The following PTPRD variants were observed in gnomAD, a reference collection of about 807,000 sequenced individuals.
PTPRD encodes the protein protein tyrosine phosphatase receptor type D.
Under a neutral mutation model 214.5 loss-of-function variants are expected in PTPRD, and 34 were observed. The ratio of observed to expected loss-of-function variants is 0.16; its 90% confidence interval spans 0.12 to 0.21. The LOEUF is 0.21. PTPRD is among the 10% of genes least tolerant of loss of function. The pLI, the probability that PTPRD is intolerant of heterozygous loss-of-function variation, is 1.00. For missense variants in PTPRD, 2,545 were observed against 2,398.7 expected (o/e 1.06, Z -1.27); for synonymous variants, 1,128 against 845.7 (o/e 1.33, Z -5.79).
chr9:9,726,226 A>C (rs558066651), intron 7 of PTPRD, among the ~76,000 whole-genome samples: 15 of 152,276 alleles, frequency 9.9e-5, no homozygotes, highest in African/African-American at 2.6e-4. Flanking sequence ...ACACCAAAAA[A>C]ACTTCACTAT....
In PTPRD at chr9:8,748,547, GA is replaced by G. The variant is rs1471230974; in HGVS notation, c.-103-14602del. 3.5e-5 allele frequency among the ~76,000 whole-genome samples: 3 copies of G among 85,590 alleles called. No homozygotes were observed. The South Asian group carries it at 1.2e-3, about 35-fold the overall frequency. The allele number at this position is 85,590 out of a possible 152,430, so 56.2% of individuals were successfully genotyped here. On this transcript the variant is annotated intron_variant, in intron 11 of 45. Transcript: ENST00000381196. ...CAAAAAAAAAAAAAAAAAAGAAAAA[GA>G]AAAAGAAAAAGAAAATGCGCTTACT... is the stretch of plus-strand genomic sequence containing the variant.
At chr9:9,290,822 C>T (rs1319679678) in intron 9 of PTPRD, among the ~76,000 whole-genome samples, 1 of 151,386 alleles carries the variant, frequency 6.6e-6, no homozygotes, top group Non-Finnish European at 1.5e-5. Flanking sequence ...ATCATTAATT[C>T]GTTAGGTAAT....
intron 36 of PTPRD, among the ~76,000 whole-genome samples, chr9:8,397,617 A>G (rs751563962): frequency 6.6e-6 from 1 of 152,186 alleles, no homozygotes; most frequent in Non-Finnish European, 1.5e-5. Context: ...ATGAATTGCT[A>G]TAGACTTACC....
intron 8 of PTPRD, among the ~76,000 whole-genome samples, chr9:9,458,428 G>C (rs1011535252): frequency 6.6e-6 from 1 of 151,942 alleles, no homozygotes; most frequent in Non-Finnish European, 1.5e-5. Context: ...GGTTTTGATA[G>C]GTTGATTTAA....
intron 36 of PTPRD, among the ~76,000 whole-genome samples, chr9:8,389,684 T>C (rs2088722629): frequency 6.6e-6 from 1 of 152,104 alleles, no homozygotes; most frequent in Non-Finnish European, 1.5e-5. Flanking sequence ...TGGTTGTTGG[T>C]TTTCTCTGTT....
intron 3 of PTPRD, among the ~76,000 whole-genome samples, chr9:10,324,515 T>C (rs1053965856): frequency 3.9e-5 from 6 of 152,038 alleles, no homozygotes; most frequent in Non-Finnish European, 8.8e-5. Context: ...TAAAAGGATA[T>C]GCATAGTAGT....
At chr9:8,472,584 G>A (rs2096675178) in intron 30 of PTPRD, among the ~76,000 whole-genome samples, 1 of 152,162 alleles carries the variant, frequency 6.6e-6, no homozygotes, top group African/African-American at 2.4e-5. Flanking sequence ...AAACTGGGAC[G>A]CACTGTAAAT....
chr9:8,337,243 A>C (rs933270028), intron 43 of PTPRD, among the ~76,000 whole-genome samples: 1 of 152,202 alleles, frequency 6.6e-6, no homozygotes, highest in Admixed American at 6.5e-5. Context: ...TGTGGCACAT[A>C]TACACTATGG....
chr9:9,940,169 T>C (rs1037428579), intron 4 of PTPRD, among the ~76,000 whole-genome samples: 4 of 152,126 alleles, frequency 2.6e-5, no homozygotes, highest in African/African-American at 9.7e-5. Flanking sequence ...GTTACTGACA[T>C]CTAAGAGTCA....
intron 9 of PTPRD, among the ~76,000 whole-genome samples, chr9:9,370,235 A>C (rs565461249): frequency 1.6e-4 from 24 of 152,148 alleles, no homozygotes; most frequent in Admixed American, 3.3e-4. Context: ...GATTCCTCCT[A>C]CCCATGAGCA....
intron 11 of PTPRD, among the ~76,000 whole-genome samples, chr9:8,915,147 A>T (rs944839727): frequency 3.9e-5 from 6 of 152,148 alleles, no homozygotes; most frequent in African/African-American, 1.4e-4. Flanking sequence ...CATGCTCAGG[A>T]TTTTCATTTT....
chr9:9,987,392 G>T (rs1202075344), intron 4 of PTPRD, among the ~76,000 whole-genome samples: 1 of 152,116 alleles, frequency 6.6e-6, no homozygotes, highest in African/African-American at 2.4e-5. Context: ...CACATGGCTG[G>T]GGAGGCGTTG....
intron 7 of PTPRD, among the ~76,000 whole-genome samples, chr9:9,576,791 C>T (rs568310973): frequency 6.6e-5 from 10 of 152,124 alleles, no homozygotes; most frequent in South Asian, 4.2e-4. Flanking sequence ...AACATTATAG[C>T]GCAGAAACAA....
chr9:10,519,512 C>T (rs1310887567), intron 2 of PTPRD, among the ~76,000 whole-genome samples: 2 of 152,036 alleles, frequency 1.3e-5, no homozygotes, highest in Non-Finnish European at 2.9e-5. Flanking sequence ...GAGCCAACTC[C>T]ATTTTTAAAT....
At chr9:9,779,050 A>ACAG (rs1405514556) in intron 5 of PTPRD, among the ~76,000 whole-genome samples, 2 of 133,058 alleles carry the variant, frequency 1.5e-5, no homozygotes, top group Admixed American at 1.7e-4. Context: ...CCTCACACCT[A>ACAG]CAGCCATGTG....
intron 2 of PTPRD, among the ~76,000 whole-genome samples, chr9:10,467,666 G>A (rs2099003696): frequency 6.6e-6 from 1 of 151,996 alleles, no homozygotes. Flanking sequence ...CAAAAAAATG[G>A]ATGATATATA....
intron 39 of PTPRD, among the ~76,000 whole-genome samples, chr9:8,375,569 G>T (rs12343024): frequency 0.092 from 13,959 of 151,980 alleles, 1,249 homozygotes; most frequent in African/African-American, 0.23. Context: ...TAAAAAGGTT[G>T]TATCAGTCCA....
At chr9:8,514,151 T>A (rs1268228711) in intron 21 of PTPRD, among the ~76,000 whole-genome samples, 3 of 152,106 alleles carry the variant, frequency 2.0e-5, no homozygotes, top group African/African-American at 7.2e-5. Context: ...AATGTCATAT[T>A]CTGTCCACTG....
chr9:8,953,412 A>C (rs2099113962), intron 11 of PTPRD, among the ~76,000 whole-genome samples: 1 of 151,910 alleles, frequency 6.6e-6, no homozygotes. Flanking sequence ...AACCTAGGAA[A>C]TAAATACCCT....
Sources: gnomAD v4.1 joint callset for allele counts (sites outside exome capture counted in the v4.1 genomes callset) on GRCh38, gnomAD v4.1.1 for gene constraint, MANE v1.5 for transcripts, NCBI Gene and HGNC (gene_info 2026-07-23, HGNC 2026-07-21) for gene names.